Variants in HIVEP1 observed in about 807,000 individuals in gnomAD.
HIVEP1 encodes the protein zinc finger protein 40.
HIVEP1 carries 36 observed loss-of-function variants against 180.0 expected under a neutral mutation model. The observed-to-expected ratio is 0.20, with a 90% confidence interval of 0.15 to 0.26. The LOEUF is 0.26. HIVEP1 is among the 10% of genes least tolerant of loss of function. The pLI is 1.00. For missense variants in HIVEP1, 3,143 were observed against 3,268.7 expected, an observed-to-expected ratio of 0.96 and a Z score of 0.94; for synonymous variants, 1,239 against 1,239.0, an observed-to-expected ratio of 1.00 and a Z score of 0.00.
Position 12,121,842 on chromosome 6 carries a change from G to A in HIVEP1, c.2047G>A (p.Asp683Asn), listed in dbSNP as rs762153056. 1 of 1,614,130 alleles carries A rather than the reference G, an allele frequency of 6.2e-7. No individual in the cohort carries two copies. Among genetic ancestry groups the A allele is most frequent in the Non-Finnish European group, 8.5e-7 (1 of 1,180,030 alleles). Residue 683 changes from aspartate to asparagine, a missense_variant, in exon 4 of 9, where the codon GAT becomes AAT. Physicochemically the swap from Asp to Asn is conservative, Grantham distance 23. This residue lies in a region of HIVEP1 where 365 missense variants were observed against 344.4 expected (regional missense o/e 1.06). Coordinates refer to ENST00000379388, the MANE Select transcript of HIVEP1 (RefSeq NM_002114.4). This position sits in a 1 kb window ranked among gnomAD's most constrained non-coding sequence, Gnocchi z 5.3. ...SGYFSRSESADQTVSPPTPFA... is the reference protein window; with the variant it reads ...SGYFSRSESANQTVSPPTPFA... Reference sequence around the variant, plus strand: ...TTACTTTTCACGTTCTGAAAGTGCCGATCAAACAGTGAGTCCACCAACTCC... The same window carrying A: ...TTACTTTTCACGTTCTGAAAGTGCCAATCAAACAGTGAGTCCACCAACTCC...
At chr6:12,033,828 C>T (rs550450058) in intron 2 of HIVEP1, among the ~76,000 whole-genome samples, 15 of 152,170 alleles carry the variant, frequency 9.9e-5, no homozygotes, top group Non-Finnish European at 1.5e-4. Context: ...CTGAAGAGTA[C>T]ATTTGTTGTG....
At chr6:12,108,303 A>G (rs1774600545) in intron 3 of HIVEP1, among the ~76,000 whole-genome samples, 1 of 152,172 alleles carries the variant, frequency 6.6e-6, no homozygotes. Flanking sequence ...TCCCCACCAG[A>G]CTCAGGAGCC....
intron 2 of HIVEP1, among the ~76,000 whole-genome samples, chr6:12,061,594 A>T (rs1181685381): frequency 1.3e-5 from 2 of 152,024 alleles, no homozygotes; most frequent in Admixed American, 1.3e-4. Context: ...ATCTGAAGAG[A>T]TGAATTTTGA....
chr6:12,206,405 GAT>G, the HIVEP1 span, among the ~76,000 whole-genome samples: 3 of 152,142 alleles, frequency 2.0e-5, no homozygotes, highest in African/African-American at 4.8e-5. Context: ...AAAGTGCTGG[GAT>G]TACAGGCGTG....
chr6:12,162,222 T>TAA lies in HIVEP1; in HGVS notation c.6978+307_6978+308dup, dbSNP rs67198436. 4.2e-3 allele frequency among the ~76,000 whole-genome samples: 609 copies of TAA among 146,082 alleles called. 7 individuals are homozygous for TAA. The highest frequency in any genetic ancestry group is 0.014 in the African/African-American group (552 of 39,732). The stretch of plus-strand genomic sequence containing the variant: ...TTGCTTTTTGAAAAATTTTTGAAAT[T>TAA]AAAAAAAAAAAAAAACGTGACAGTG... On this transcript the variant is annotated intron_variant, in intron 8 of 8. Transcript: ENST00000379388.
chr6:12,096,278 T>G (rs1381941279), intron 3 of HIVEP1, among the ~76,000 whole-genome samples: 1 of 152,042 alleles, frequency 6.6e-6, no homozygotes, highest in Admixed American at 6.5e-5. Context: ...GGAAAACTGT[T>G]CTAGTAATAC....
intron 2 of HIVEP1, among the ~76,000 whole-genome samples, chr6:12,019,960 A>G (rs140631226): frequency 1.1e-3 from 170 of 152,356 alleles, no homozygotes; most frequent in African/African-American, 3.9e-3. Context: ...ATGGAAGAGT[A>G]TAGAAAGTTT....
rs185723293 is a variant in HIVEP1 at position 12,121,991 on chromosome 6, A to C, written c.2196A>C (p.Pro732=). Residue 732 remains proline, a synonymous_variant, in exon 4 of 9, where the codon CCA becomes CCC. Transcript: ENST00000379388. The surrounding 1 kb of genome is among the most constrained non-coding windows in gnomAD (Gnocchi z 5.3). ...LPTGEKALLL[P]GQMRPPLATK... ...CAGGGGAAAAGGCATTGCTTTTACCAGGTCAGATGCGCCCACCTTTGGCCA... is the reference window on the plus strand; with the variant it reads ...CAGGGGAAAAGGCATTGCTTTTACCCGGTCAGATGCGCCCACCTTTGGCCA... 6.2e-7 allele frequency: 1 copy of C among 1,614,168 alleles called. No homozygotes were observed. The highest frequency in any genetic ancestry group is 2.2e-5 in the East Asian group (1 of 44,876).
At chr6:12,084,307 A>C (rs1284591782) in intron 2 of HIVEP1, among the ~76,000 whole-genome samples, 2 of 152,094 alleles carry the variant, frequency 1.3e-5, no homozygotes, top group African/African-American at 4.8e-5. Flanking sequence ...TTTTGTTTGA[A>C]ATATTGCTAG....
chr6:12,208,809 A>G, the HIVEP1 span, among the ~76,000 whole-genome samples: 5 of 152,216 alleles, frequency 3.3e-5, no homozygotes, highest in East Asian at 9.6e-4. Flanking sequence ...ACCTGATCTC[A>G]GACTCCTCCA....
Position 12,120,285 on chromosome 6 carries a change from G to A in HIVEP1, c.490G>A (p.Asp164Asn). Residue 164 changes from aspartate (D) to asparagine (N), a missense_variant, in exon 4 of 9, where the codon GAC (aspartate) becomes AAC (asparagine). Physicochemically the swap from Asp to Asn is conservative, Grantham distance 23. This residue lies in a region of HIVEP1 where 306 missense variants were observed against 310.6 expected (regional missense o/e 0.99). Coordinates refer to ENST00000379388, the MANE Select transcript of HIVEP1 (RefSeq NM_002114.4). ...ATTCAGTGACCTCGATGAACAATGT[G>A]ACTCAAGTTCCTTGTCAAGTAAAAC... ...AKFSDLDEQC[D>N]SSSLSSKTRT... 6.2e-7 allele frequency: 1 copy of A among 1,614,154 alleles called. No homozygotes were observed. Among genetic ancestry groups the A allele is most frequent in the Non-Finnish European group, 8.5e-7 (1 of 1,180,004 alleles).
At chr6:12,069,831 A>G (rs1430281618) in intron 2 of HIVEP1, among the ~76,000 whole-genome samples, 1 of 148,640 alleles carries the variant, frequency 6.7e-6, no homozygotes, top group Admixed American at 6.8e-5. Flanking sequence ...CTCTTCTATG[A>G]TAACATCTAG....
chr6:12,129,523 G>T (rs543072995), intron 4 of HIVEP1: 26 of 605,724 alleles, frequency 4.3e-5, no homozygotes, highest in Non-Finnish European at 6.2e-5. Flanking sequence ...TTATTTGGGG[G>T]TGTCAGTGAA....
the HIVEP1 span, among the ~76,000 whole-genome samples, chr6:12,192,656 T>C: frequency 6.6e-6 from 1 of 152,182 alleles, no homozygotes; most frequent in African/African-American, 2.4e-5. Flanking sequence ...AAGACGCGCT[T>C]GCTTCCCCTT....
rs1245571105 is a variant in HIVEP1 at position 12,121,509 on chromosome 6, C to T, written c.1714C>T (p.Pro572Ser). 6.2e-7 allele frequency: 1 copy of T among 1,614,132 alleles called. No homozygotes were observed. The highest frequency in any genetic ancestry group is 8.5e-7 in the Non-Finnish European group (1 of 1,180,028). The change falls in exon 4 of 9, where the codon CCC becomes TCC. Residue 572 changes from proline (P) to serine (S), a missense_variant. Physicochemically the swap from Pro to Ser is moderately conservative, Grantham distance 74. Around this residue, in one of 12 missense-constraint regions of HIVEP1, gnomAD observed 365 missense variants for 344.4 expected, o/e 1.06. Coordinates refer to ENST00000379388, the MANE Select transcript of HIVEP1 (RefSeq NM_002114.4). This position sits in a 1 kb window ranked among gnomAD's most constrained non-coding sequence, Gnocchi z 5.3. The stretch of plus-strand genomic sequence containing the variant: ...TGTGGTCCACCATGTCACTGTGTCC[C>T]CCTTAAGAACTGACAGTCCAAAGGC... ...KVVVHHVTVS[P>S]LRTDSPKAMD...
intron 7 of HIVEP1, among the ~76,000 whole-genome samples, chr6:12,153,350 T>C (rs892215209): frequency 6.6e-6 from 1 of 152,208 alleles, no homozygotes; most frequent in Non-Finnish European, 1.5e-5. Flanking sequence ...GCTGTGACAT[T>C]TATGAGCTGT....
At chr6:12,188,420 T>C in the HIVEP1 span, among the ~76,000 whole-genome samples, 3 of 152,030 alleles carry the variant, frequency 2.0e-5, no homozygotes, top group African/African-American at 4.8e-5. Flanking sequence ...ACCACCACCA[T>C]GTATAAGACA....
intron 1 of HIVEP1, among the ~76,000 whole-genome samples, chr6:12,014,189 G>A (rs1322817540): frequency 6.6e-6 from 1 of 152,172 alleles, no homozygotes; most frequent in East Asian, 1.9e-4. Flanking sequence ...CACACAGTAA[G>A]GGGTAAAGCC....
chr6:12,082,956 A>T (rs1772882779), intron 2 of HIVEP1, among the ~76,000 whole-genome samples: 1 of 152,170 alleles, frequency 6.6e-6, no homozygotes, highest in Non-Finnish European at 1.5e-5. Context: ...CATTTTTTAA[A>T]AGATAATTGA....
Sources: allele counts gnomAD v4.1 joint callset (sites outside exome capture counted in the v4.1 genomes callset), GRCh38; gene constraint gnomAD v4.1.1; regional missense constraint gnomAD v4.1.1; non-coding constraint Gnocchi (gnomAD v3.1); transcripts MANE v1.5; gene names NCBI Gene and HGNC (gene_info 2026-07-23, HGNC 2026-07-21).